Variants in ATP11A observed in about 807,000 individuals in gnomAD.
ATP11A encodes the protein ATPase phospholipid transporting 11A, also known as phospholipid-transporting ATPase IH.
ATP11A carries 81 observed loss-of-function variants against 154.4 expected under a neutral mutation model. The ratio of observed to expected loss-of-function variants is 0.52; its 90% CI spans 0.44 to 0.63. The LOEUF is 0.63. Among genes scored for constraint, ATP11A ranks in the 30% least tolerant of loss-of-function variants. The pLI is 0.00. For synonymous variants in ATP11A, 623 were observed against 585.9 expected, an observed-to-expected ratio of 1.06 and a Z score of -0.91; for missense variants, 1,316 against 1,474.3, an observed-to-expected ratio of 0.89 and a Z score of 1.76.
intron 1 of ATP11A, among the ~76,000 whole-genome samples, chr13:112,742,035 C>T (rs1891614429): frequency 6.6e-6 from 1 of 151,986 alleles, no homozygotes; most frequent in South Asian, 2.1e-4. Context: ...CCCCTTCCCC[C>T]ACAGGGGAGT....
intron 17 of ATP11A, among the ~76,000 whole-genome samples, chr13:112,845,062 G>T (rs1279537406): frequency 6.8e-6 from 1 of 147,958 alleles, no homozygotes; most frequent in Non-Finnish European, 1.5e-5. Flanking sequence ...AACCAGTCCA[G>T]TTACTGGGCA....
intron 13 of ATP11A, 89 bp from the exon 14 acceptor site, chr13:112,832,771 C>T: frequency 6.6e-7 from 1 of 1,508,070 alleles, no homozygotes; most frequent in Non-Finnish European, 9.0e-7. Context: ...CCCCCCCACC[C>T]CGCTTCTTGT....
chr13:112,860,419 C>T lies in ATP11A; in HGVS notation c.2855+5C>T. 1.9e-6 allele frequency: 3 copies of T among 1,614,028 alleles called. No homozygotes were observed. Among genetic ancestry groups the T allele is most frequent in the Non-Finnish European group, 2.5e-6 (3 of 1,179,940 alleles). On this transcript the variant is annotated splice_donor_5th_base_variant and intron_variant, in intron 24 of 29. Coordinates refer to ENST00000375645, the MANE Select transcript of ATP11A (RefSeq NM_015205.3). Reference sequence around the variant, plus strand: ...GAGAGACCCGACCCTGTACAGGTACCATCCTCCAAACAGCCTCTCCTGAGA... The same window carrying T: ...GAGAGACCCGACCCTGTACAGGTACTATCCTCCAAACAGCCTCTCCTGAGA...
chr13:112,737,268 C>G (rs77700022), intron 1 of ATP11A, among the ~76,000 whole-genome samples: 1,963 of 152,276 alleles, frequency 0.013, 14 homozygotes, highest in Non-Finnish European at 0.021. Context: ...ACAGTCACAA[C>G]AGGGGCATCT....
At chr13:112,797,330 A>C (rs1343471269) in intron 2 of ATP11A, among the ~76,000 whole-genome samples, 2 of 151,862 alleles carry the variant, frequency 1.3e-5, no homozygotes, top group African/African-American at 4.8e-5. Context: ...GCATAATGAA[A>C]AAAACAAAAG....
chr13:112,826,936 G>A (rs1270329981), intron 12 of ATP11A, 45 bp downstream of exon 12: 1 of 1,602,252 alleles, frequency 6.2e-7, no homozygotes, highest in Non-Finnish European at 8.5e-7. Flanking sequence ...TAACATCTGG[G>A]TGAGTCTGCT....
At chr13:112,727,464 GA>G (rs1890002824) in intron 1 of ATP11A, among the ~76,000 whole-genome samples, 1 of 151,856 alleles carries the variant, frequency 6.6e-6, no homozygotes, top group Admixed American at 6.6e-5. Flanking sequence ...GGGAACACAG[GA>G]AACAAAGCAA....
chr13:112,755,207 CACAG>C (rs568398435), intron 1 of ATP11A, among the ~76,000 whole-genome samples: 99 of 152,298 alleles, frequency 6.5e-4, no homozygotes, highest in African/African-American at 2.0e-3. Flanking sequence ...TCATGGACCA[CACAG>C]ACAGGCTGCA....
Position 112,884,431 on chromosome 13 carries a change from TC to T in ATP11A, c.*2568del, listed in dbSNP as rs1248651027. ...TGAAAGTCACTAAACTTTTACACAC[TC>T]CCAAACGTCTTTTTAAAAATTGCTT... On this transcript the variant is annotated 3_prime_UTR_variant, in exon 30 of 30. Transcript: ENST00000375645. 3 of 152,452 alleles carry T rather than the reference TC, an allele frequency of 2.0e-5. No homozygotes were observed. Among genetic ancestry groups the T allele is most frequent in the Non-Finnish European group, 4.4e-5 (3 of 68,038 alleles). The allele number at this position is 152,452 out of a possible 1,614,324, so 9.4% of individuals were successfully genotyped here. A position where few individuals can be genotyped will look rare whatever the true frequency, so the allele number is the denominator to read the frequency against.
At position 112,760,696 on chromosome 13, in the gene ATP11A, A is replaced by C. The variant is rs545795872; in HGVS notation, c.40-24439A>C. On this transcript the variant is annotated intron_variant, in intron 1 of 29. Coordinates refer to ENST00000375645, the MANE Select transcript of ATP11A (RefSeq NM_015205.3). ...GTCATGTTTGCGTAAATATAATTAC[A>C]CTGTATTATGTAAATATAGTTACCA... 2.0e-5 allele frequency among the ~76,000 whole-genome samples: 3 copies of C among 152,304 alleles called. No individual in the cohort carries two copies. In the South Asian group the frequency reaches 6.2e-4, roughly 32 times the overall value.
At chr13:112,816,264 G>A (rs1332924669) in intron 6 of ATP11A, 53 bp downstream of exon 6, 2 of 1,611,290 alleles carry the variant, frequency 1.2e-6, no homozygotes, top group Non-Finnish European at 1.7e-6. Flanking sequence ...TCCTGCTTCG[G>A]ACTGTGCCCA....
At chr13:112,715,563 C>CACT (rs2139597888) in intron 1 of ATP11A, among the ~76,000 whole-genome samples, 1 of 79,876 alleles carries the variant, frequency 1.3e-5, no homozygotes, top group Non-Finnish European at 2.9e-5. Context: ...CTGCCTGATC[C>CACT]TCCCCACCTG....
intron 3 of ATP11A, among the ~76,000 whole-genome samples, 177 bp from the exon 4 acceptor site, chr13:112,806,036 A>G (rs1332338689): frequency 6.6e-6 from 1 of 152,116 alleles, no homozygotes; most frequent in African/African-American, 2.4e-5. Context: ...CCTCATTTTA[A>G]CAGTCAGTGA....
At position 112,819,331 on chromosome 13, in the gene ATP11A, G is replaced by A. The variant is rs768464488; in HGVS notation, c.598G>A (p.Gly200Ser). Residue 200 changes from glycine to serine, a missense_variant, in exon 7 of 30, where the codon GGC becomes AGC. Physicochemically the swap from Gly to Ser is moderately conservative, Grantham distance 56 (BLOSUM62 0). Coordinates refer to ENST00000375645, the MANE Select transcript of ATP11A (RefSeq NM_015205.3). ...KTHYAVQDTKGFHTEEDIGGL... is the reference protein window; with the variant it reads ...KTHYAVQDTKSFHTEEDIGGL... Reference sequence around the variant, plus strand: ...GCATTACGCGGTCCAGGACACCAAAGGCTTCCACACAGAGGAGGATATCGG... The same window carrying A: ...GCATTACGCGGTCCAGGACACCAAAAGCTTCCACACAGAGGAGGATATCGG... 6.2e-7 allele frequency: 1 copy of A among 1,614,234 alleles called. No homozygotes were observed. Among genetic ancestry groups the A allele is most frequent in the Non-Finnish European group, 8.5e-7 (1 of 1,180,042 alleles).
chr13:112,872,384 A>G (rs996713773), intron 26 of ATP11A, among the ~76,000 whole-genome samples: 3 of 152,202 alleles, frequency 2.0e-5, no homozygotes, highest in Admixed American at 2.0e-4. Context: ...GCCAAGGTGG[A>G]TGGATCACCT....
At chr13:112,872,776 C>T (rs375499010) in intron 26 of ATP11A, among the ~76,000 whole-genome samples, 14 of 150,580 alleles carry the variant, frequency 9.3e-5, no homozygotes, top group African/African-American at 3.1e-4. Context: ...GCTGTGGCGT[C>T]CCCACATTCT....
chr13:112,710,889 C>T (rs767333269), intron 1 of ATP11A, among the ~76,000 whole-genome samples: 36 of 152,346 alleles, frequency 2.4e-4, no homozygotes, highest in African/African-American at 7.9e-4. Flanking sequence ...CCCAGCCCCG[C>T]GTCATGTGAG....
rs910565521 is a variant in ATP11A, at chr13:112,884,461, A to G, written c.*2595A>G. The G allele has an allele frequency of 5.2e-5, 8 of 152,502 alleles. No homozygotes were observed. Among genetic ancestry groups the G allele is most frequent in the African/African-American group, 1.7e-4 (7 of 41,574 alleles). The allele number at this position is 152,502 out of a possible 1,614,324, so 9.4% of individuals were successfully genotyped here. ...AACGTCTTTTTAAAAATTGCTTGGG[A>G]AATTATTAAATGAATGTGCCTGATG... On this transcript the variant is annotated 3_prime_UTR_variant, in exon 30 of 30. Coordinates refer to ENST00000375645, the MANE Select transcript of ATP11A (RefSeq NM_015205.3).
intron 1 of ATP11A, among the ~76,000 whole-genome samples, chr13:112,705,093 A>G (rs1014648579): frequency 2.0e-5 from 3 of 152,250 alleles, no homozygotes; most frequent in African/African-American, 7.2e-5. Context: ...GAGACAAACC[A>G]TTAAAATATT....
Sources: gnomAD v4.1 joint callset for allele counts (sites outside exome capture counted in the v4.1 genomes callset) on GRCh38, gnomAD v4.1.1 for gene constraint, MANE v1.5 for transcripts, NCBI Gene and HGNC (gene_info 2026-07-23, HGNC 2026-07-21) for gene names.